The following CHST11 variants were observed in gnomAD, a reference collection of about 807,000 sequenced individuals.
CHST11 encodes C4S-1.
Under a neutral mutation model 30.4 loss-of-function variants are expected in CHST11, and 9 were observed. That is an observed-to-expected ratio of 0.30 (90% CI 0.18 to 0.52). The LOEUF (loss-of-function observed/expected upper bound fraction) is 0.52. Among genes scored for constraint, CHST11 ranks in the 20% least tolerant of loss-of-function variants. The probability of loss-of-function intolerance (pLI) is 0.97; values close to 1 mark genes in which losing one functional copy is unlikely to be tolerated. For missense variants in CHST11, 348 were observed against 460.6 expected, an observed-to-expected ratio of 0.76 and a Z score of 2.24; for synonymous variants, 152 against 187.8, an observed-to-expected ratio of 0.81 and a Z score of 1.56.
chr12:104,657,128 G>A (rs2039551863), intron 2 of CHST11, among the ~76,000 whole-genome samples: 1 of 152,146 alleles, frequency 6.6e-6, no homozygotes, highest in African/African-American at 2.4e-5. Flanking sequence ...CCAAGCCCAT[G>A]CTGCCATCCC....
intron 2 of CHST11, among the ~76,000 whole-genome samples, chr12:104,747,276 C>G (rs1213238652): frequency 6.6e-6 from 1 of 152,232 alleles, no homozygotes; most frequent in Non-Finnish European, 1.5e-5. Flanking sequence ...AGACCACAGT[C>G]TGCCTGGACT....
intron 2 of CHST11, among the ~76,000 whole-genome samples, chr12:104,611,514 G>T (rs1380319197): frequency 2.6e-5 from 4 of 152,178 alleles, no homozygotes; most frequent in Admixed American, 6.5e-5. Context: ...ATTCATCTTG[G>T]GGTGTCCAGT....
chr12:104,703,116 C>G (rs925442357), intron 2 of CHST11, among the ~76,000 whole-genome samples: 5 of 152,192 alleles, frequency 3.3e-5, no homozygotes, highest in Non-Finnish European at 7.4e-5. Flanking sequence ...GGGAACTCAC[C>G]GGGGCGGAGA....
chr12:104,622,540 A>T (rs1272108999), intron 2 of CHST11, among the ~76,000 whole-genome samples: 1 of 152,200 alleles, frequency 6.6e-6, no homozygotes, highest in Non-Finnish European at 1.5e-5. Flanking sequence ...AAAGAGAAGG[A>T]AGATCAGAGT....
At chr12:104,717,552 T>A (rs1178353668) in intron 2 of CHST11, among the ~76,000 whole-genome samples, 1 of 152,022 alleles carries the variant, frequency 6.6e-6, no homozygotes. Flanking sequence ...GGCAGGGGGA[T>A]CATGAGGTCA....
intron 1 of CHST11, among the ~76,000 whole-genome samples, chr12:104,491,021 CTTT>C (rs34815132): frequency 1.4e-5 from 2 of 146,958 alleles, no homozygotes; most frequent in Non-Finnish European, 1.5e-5. Flanking sequence ...AGGTCTCTGG[CTTT>C]TTTTTTTTTG....
intron 2 of CHST11, among the ~76,000 whole-genome samples, chr12:104,700,608 G>A (rs940952061): frequency 6.6e-6 from 1 of 152,194 alleles, no homozygotes; most frequent in Non-Finnish European, 1.5e-5. Flanking sequence ...GGTTATAGGT[G>A]ACTAATGTAT....
chr12:104,748,132 A>C (rs149888551), intron 2 of CHST11, among the ~76,000 whole-genome samples: 32 of 152,320 alleles, frequency 2.1e-4, no homozygotes, highest in Non-Finnish European at 2.9e-4. Context: ...TTGAGAGATC[A>C]AAGCGAGATG....
chr12:104,461,489 C>A (rs1183543848), intron 1 of CHST11, among the ~76,000 whole-genome samples: 1 of 152,210 alleles, frequency 6.6e-6, no homozygotes, highest in Non-Finnish European at 1.5e-5. Context: ...CTGTGTCATG[C>A]AGTGCAAAGC....
At chr12:104,580,789 G>A (rs919682033) in intron 1 of CHST11, among the ~76,000 whole-genome samples, 1 of 152,070 alleles carries the variant, frequency 6.6e-6, no homozygotes, top group African/African-American at 2.4e-5. Flanking sequence ...GTAGAGACGG[G>A]GTTTCAAGTC....
intron 2 of CHST11, among the ~76,000 whole-genome samples, chr12:104,637,335 A>AGG (rs959610226): frequency 0.014 from 646 of 47,538 alleles, 19 homozygotes; most frequent in Middle Eastern, 0.1. Flanking sequence ...AAAAAAAAAA[A>AGG]GGGGGTTGGG....
chr12:104,499,946 T>C (rs914738035), intron 1 of CHST11, among the ~76,000 whole-genome samples: 3 of 152,222 alleles, frequency 2.0e-5, no homozygotes, highest in Non-Finnish European at 4.4e-5. Flanking sequence ...TTGATGGTGG[T>C]AAATAAGATT....
At chr12:104,662,269 A>T (rs1263146031) in intron 2 of CHST11, among the ~76,000 whole-genome samples, 2 of 152,170 alleles carry the variant, frequency 1.3e-5, no homozygotes, top group Non-Finnish European at 2.9e-5. Context: ...CCCTCAGGAA[A>T]ACCACTTAAC....
At chr12:104,476,677 G>A (rs1294857001) in intron 1 of CHST11, among the ~76,000 whole-genome samples, 1 of 152,020 alleles carries the variant, frequency 6.6e-6, no homozygotes, top group African/African-American at 2.4e-5. Flanking sequence ...CTCTTGATAA[G>A]TGTAACCAAA....
At chr12:104,718,891 T>C (rs1169040542) in intron 2 of CHST11, among the ~76,000 whole-genome samples, 1 of 152,196 alleles carries the variant, frequency 6.6e-6, no homozygotes, top group African/African-American at 2.4e-5. Context: ...AGGGAGGTTC[T>C]TGAGGAGCAA....
At chr12:104,647,456 G>A (rs1445175076) in intron 2 of CHST11, among the ~76,000 whole-genome samples, 2 of 152,022 alleles carry the variant, frequency 1.3e-5, no homozygotes, top group African/African-American at 4.8e-5. Context: ...AAATTGGAAG[G>A]ACTTTAATTC....
intron 1 of CHST11, among the ~76,000 whole-genome samples, chr12:104,563,532 A>G (rs888525259): frequency 1.3e-5 from 2 of 152,190 alleles, no homozygotes; most frequent in African/African-American, 4.8e-5. Flanking sequence ...ATCAGCTTAA[A>G]AACTTTTTTG....
chr12:104,534,484 G>C (rs1480434646), intron 1 of CHST11, among the ~76,000 whole-genome samples: 3 of 152,164 alleles, frequency 2.0e-5, no homozygotes, highest in Middle Eastern at 3.2e-3. Flanking sequence ...TTCCCATTTA[G>C]TGATTTCGAT....
intron 2 of CHST11, among the ~76,000 whole-genome samples, chr12:104,614,693 T>TTG (rs3039184): frequency 0.28 from 41,800 of 148,544 alleles, 5,735 homozygotes; most frequent in East Asian, 0.41. Context: ...GCATGCATGC[T>TTG]TGTGTGTGTG....
Sources: allele counts gnomAD v4.1 joint callset (sites outside exome capture counted in the v4.1 genomes callset), GRCh38; gene constraint gnomAD v4.1.1; transcripts MANE v1.5; gene names NCBI Gene and HGNC (gene_info 2026-07-23, HGNC 2026-07-21).